Variants in GTPBP4 observed in about 807,000 individuals in gnomAD.
GTPBP4 encodes GTP-binding protein 4.
Under a neutral mutation model 81.7 loss-of-function variants are expected in GTPBP4, and 15 were observed. That is an observed-to-expected ratio of 0.18 (90% CI 0.12 to 0.28). The LOEUF (loss-of-function observed/expected upper bound fraction) is 0.28. Ranked by LOEUF, GTPBP4 falls within the 10% of genes least tolerant of loss-of-function variation. The probability of loss-of-function intolerance (pLI) is 1.00; values close to 1 mark genes in which losing one functional copy is unlikely to be tolerated. For synonymous variants in GTPBP4, 272 were observed against 274.6 expected (o/e 0.99, Z 0.09); for missense variants, 847 against 793.8 (o/e 1.07, Z -0.81).
rs746179159 is a variant in GTPBP4, at chr10:996,143, G to T, written c.361G>T (p.Asp121Tyr). 6.2e-7 allele frequency: 1 copy of T among 1,611,072 alleles called. No individual in the cohort carries two copies. The highest frequency in any genetic ancestry group is 1.7e-5 in the Admixed American group (1 of 59,924). ...TTATGTGCGACTGATGAAGTATGGCGACTCTCTCTACCGCTGCAAACAGCT... is the reference window on the plus strand; with the variant it reads ...TTATGTGCGACTGATGAAGTATGGCTACTCTCTCTACCGCTGCAAACAGCT... ...KDYVRLMKYG[D>Y]SLYRCKQLKR... Residue 121 changes from aspartate to tyrosine, a missense_variant, in exon 4 of 17, where the codon GAC becomes TAC. Asp to Tyr is a radical substitution (Grantham distance 160). Around this residue, in one of 3 missense-constraint regions of GTPBP4, gnomAD observed 241 missense variants for 216.3 expected, o/e 1.11. Coordinates refer to ENST00000360803, the MANE Select transcript of GTPBP4 (RefSeq NM_012341.3).
In GTPBP4 at chr10:1,007,628, G is replaced by A. The variant is rs142626608; in HGVS notation, c.1113+500G>A. The stretch of plus-strand genomic sequence containing the variant: ...TGTCCATTGTGAATGGGCACACATC[G>A]TTACGCTGTGTCTTCATGTTTTACT... On this transcript the variant is annotated intron_variant, in intron 10 of 16. Transcript: ENST00000360803. Among the ~76,000 whole-genome samples, 1,248 of 152,252 alleles carry A rather than the reference G, an allele frequency of 8.2e-3. 15 individuals carry two copies. Among genetic ancestry groups the A allele is most frequent in the Non-Finnish European group, 8.8e-3 (599 of 68,012 alleles).
chr10:1,004,485 G>A (rs1831690745), intron 8 of GTPBP4, among the ~76,000 whole-genome samples: 1 of 152,212 alleles, frequency 6.6e-6, no homozygotes, highest in Non-Finnish European at 1.5e-5. Context: ...GTATGTGGCT[G>A]GTCAGCCTGG....
Position 988,504 on chromosome 10 carries a change from A to G in GTPBP4, c.25A>G (p.Ile9Val). ...CATGGCACATTACAACTTCAAGAAAATTACGGTGGTGCCGTCCGCCAAGGT... is the reference window on the plus strand; with the variant it reads ...CATGGCACATTACAACTTCAAGAAAGTTACGGTGGTGCCGTCCGCCAAGGT... The part of the protein sequence containing the change: MAHYNFKK[I>V]TVVPSAKDFI... Residue 9 changes from isoleucine (I) to valine (V), a missense_variant, in exon 1 of 17, where the codon ATT becomes GTT. Ile to Val is a conservative substitution (Grantham distance 29). Around this residue, in one of 3 missense-constraint regions of GTPBP4, gnomAD observed 241 missense variants for 216.3 expected, o/e 1.11. Coordinates refer to ENST00000360803, the MANE Select transcript of GTPBP4 (RefSeq NM_012341.3). 6.2e-7 allele frequency: 1 copy of G among 1,613,204 alleles called. No homozygotes were observed.
At chr10:1,015,980 C>A in intron 16 of GTPBP4, 84 bp downstream of exon 16, 2 of 1,236,836 alleles carry the variant, frequency 1.6e-6, no homozygotes, top group Non-Finnish European at 2.3e-6. Context: ...CCAGCAGTTG[C>A]CATTTGCAGG....
intron 15 of GTPBP4, among the ~76,000 whole-genome samples, chr10:1,015,525 A>T (rs372099294): frequency 3.0e-5 from 3 of 100,372 alleles, no homozygotes; most frequent in Admixed American, 1.0e-4. Flanking sequence ...TGAGCCTGGG[A>T]GCGGGGCTGG....
At chr10:1,011,144 C>T (rs549007870) in intron 13 of GTPBP4, among the ~76,000 whole-genome samples, 3 of 146,566 alleles carry the variant, frequency 2.0e-5, no homozygotes, top group East Asian at 4.0e-4. Flanking sequence ...TGGGCCCCTT[C>T]ATTCTCCTGC....
Position 988,503 on chromosome 10 carries a change from A to G in GTPBP4, c.24A>G (p.Lys8=), listed in dbSNP as rs1359733789. 5 of 1,613,160 alleles carry G rather than the reference A, an allele frequency of 3.1e-6. No individual in the cohort carries two copies. Among genetic ancestry groups the G allele is most frequent in the Admixed American group, 3.3e-5 (2 of 59,998 alleles). Residue 8 remains lysine, a synonymous_variant, in exon 1 of 17, where the codon AAA becomes AAG. Transcript: ENST00000360803. Reference sequence around the variant, plus strand: ...GCATGGCACATTACAACTTCAAGAAAATTACGGTGGTGCCGTCCGCCAAGG... The same window carrying G: ...GCATGGCACATTACAACTTCAAGAAGATTACGGTGGTGCCGTCCGCCAAGG... MAHYNFK[K]ITVVPSAKDF...
At chr10:1,009,663 G>T in intron 12 of GTPBP4, 83 bp downstream of exon 12, 2 of 837,904 alleles carry the variant, frequency 2.4e-6, no homozygotes, top group South Asian at 2.8e-5. Context: ...ACTTTAATAA[G>T]TAATAAAAGT....
chr10:1,000,539 A>G, intron 6 of GTPBP4, 138 bp from the exon 7 acceptor site: 2 of 438,626 alleles, frequency 4.6e-6, no homozygotes, highest in South Asian at 7.9e-5. Context: ...ACCCAGCCCT[A>G]CTTTTTTTTT....
Position 996,155 on chromosome 10 carries a change from C to T in GTPBP4, c.373C>T (p.Arg125Cys), listed in dbSNP as rs769387295. 23 of 1,611,994 alleles carry T rather than the reference C, an allele frequency of 1.4e-5. No homozygotes were observed. Among genetic ancestry groups the T allele is most frequent in the East Asian group, 6.7e-5 (3 of 44,850 alleles). ...GATGAAGTATGGCGACTCTCTCTAC[C>T]GCTGCAAACAGCTGAAGCGTGCGGC... ...RLMKYGDSLY[R>C]CKQLKRAALG... The change falls in exon 4 of 17, where the codon CGC becomes TGC. Residue 125 changes from arginine (R) to cysteine (C), a missense_variant. By Grantham distance (180) the Arg-to-Cys change is radical. This residue lies in a region of GTPBP4 where 241 missense variants were observed against 216.3 expected (regional missense o/e 1.11). Coordinates refer to ENST00000360803, the MANE Select transcript of GTPBP4 (RefSeq NM_012341.3).
chr10:1,016,105 C>T (rs899073187), intron 16 of GTPBP4, among the ~76,000 whole-genome samples: 1 of 152,196 alleles, frequency 6.6e-6, no homozygotes, highest in Non-Finnish European at 1.5e-5. Context: ...ATGGACCCCT[C>T]CTTGGCACTT....
intron 8 of GTPBP4, among the ~76,000 whole-genome samples, chr10:1,003,590 A>G (rs1831677040): frequency 6.6e-6 from 1 of 152,084 alleles, no homozygotes; most frequent in Non-Finnish European, 1.5e-5. Context: ...TTACTGTGCC[A>G]TTTGGGAAGA....
chr10:996,456 C>A, intron 4 of GTPBP4: 1 of 372,416 alleles, frequency 2.7e-6, no homozygotes, highest in Non-Finnish European at 4.7e-6. Context: ...TTATATATTT[C>A]ATATTTAATA....
intron 14 of GTPBP4, among the ~76,000 whole-genome samples, chr10:1,012,904 T>C (rs1158856078): frequency 6.6e-6 from 1 of 152,246 alleles, no homozygotes; most frequent in Non-Finnish European, 1.5e-5. Context: ...CATTTTGCAG[T>C]TGTACAGATT....
chr10:1,008,336 T>C (rs10904595), intron 10 of GTPBP4: 366,793 of 367,238 alleles, frequency 1, 183,177 homozygotes, highest in East Asian at 1. Flanking sequence ...ACCTGGGAGG[T>C]GGAGGTTGCA....
At position 1,015,937 on chromosome 10, in the gene GTPBP4, CTGT is replaced by C. The variant is rs1564472590; in HGVS notation, c.1752+46_1752+48del. The C allele has an allele frequency of 3.2e-6, 5 of 1,551,100 alleles. No individual in the cohort carries two copies. The South Asian group carries it at 5.8e-5, about 18-fold the overall frequency. On this transcript the variant is annotated intron_variant, in intron 16 of 16. Coordinates refer to ENST00000360803, the MANE Select transcript of GTPBP4 (RefSeq NM_012341.3). ...GTGTAATGTAATAAAATGACAGTCT[CTGT>C]TGTTTATTGCACAGGGTTCAGGGCA... is the stretch of plus-strand genomic sequence containing the variant.
At chr10:1,011,571 C>CTGTCCTGCCTTCTTCTCT (rs1831874551) in intron 13 of GTPBP4, among the ~76,000 whole-genome samples, 1 of 152,128 alleles carries the variant, frequency 6.6e-6, no homozygotes, top group South Asian at 2.1e-4. Flanking sequence ...ACAATACTTG[C>CTGTCCTGCCTTCTTCTCT]CATCTGCATG....
Position 1,017,279 on chromosome 10 carries a change from T to C in GTPBP4, c.*52T>C. The C allele has an allele frequency of 6.6e-7, 1 of 1,524,428 alleles. No homozygotes were observed. The highest frequency in any genetic ancestry group is 9.0e-7 in the Non-Finnish European group (1 of 1,105,500). The allele number at this position is 1,524,428 out of a possible 1,614,324, so 94.4% of individuals were successfully genotyped here. A position where few individuals can be genotyped will look rare whatever the true frequency, so the allele number is the denominator to read the frequency against. Reference sequence around the variant, plus strand: ...TAGAGTGTTGCTGTTTATTTCCTGGTTTGGCACAGTATGGTTTCATGAAAT... The same window carrying C: ...TAGAGTGTTGCTGTTTATTTCCTGGCTTGGCACAGTATGGTTTCATGAAAT... On this transcript the variant is annotated 3_prime_UTR_variant, in exon 17 of 17. Coordinates refer to ENST00000360803, the MANE Select transcript of GTPBP4 (RefSeq NM_012341.3).
chr10:1,001,615 AT>A (rs1831634129), intron 8 of GTPBP4, among the ~76,000 whole-genome samples: 1 of 151,038 alleles, frequency 6.6e-6, no homozygotes, highest in African/African-American at 2.4e-5. Flanking sequence ...CACCTTCTTA[AT>A]TTCTTCCTTA....
Sources: gnomAD v4.1 joint callset for allele counts (sites outside exome capture counted in the v4.1 genomes callset) on GRCh38, gnomAD v4.1.1 for gene constraint, gnomAD v4.1.1 regional missense constraint, MANE v1.5 for transcripts, NCBI Gene and HGNC (gene_info 2026-07-23, HGNC 2026-07-21) for gene names.